HYCC1: variants seen among roughly 807,000 people sequenced by gnomAD.
HYCC1 encodes the protein hyccin.
chr7:22,992,103 T>A, the HYCC1 span, among the ~76,000 whole-genome samples: 1 of 151,462 alleles, frequency 6.6e-6, no homozygotes, highest in Non-Finnish European at 1.5e-5. Context: ...TTTCCATTCC[T>A]GGCAACAAAC....
the HYCC1 span, chr7:23,014,094 C>G: frequency 6.4e-6 from 3 of 470,292 alleles, no homozygotes. Context: ...TGACTGACAA[C>G]CCAGCCGGGA....
chr7:22,937,701 TCACCA>T, the HYCC1 span: 1 of 152,194 alleles, frequency 6.6e-6, no homozygotes, highest in Non-Finnish European at 1.5e-5. Flanking sequence ...AAATCTTTAT[TCACCA>T]TTATGTATTA....
the HYCC1 span, among the ~76,000 whole-genome samples, chr7:22,914,329 G>A: frequency 1.8e-4 from 27 of 152,094 alleles, no homozygotes; most frequent in African/African-American, 6.0e-4. Context: ...CCCCTTCTCC[G>A]TGTCTCTACC....
At chr7:22,930,320 TACCCTAAAACTTAGAAGTATA>T in the HYCC1 span, among the ~76,000 whole-genome samples, 880 of 138,504 alleles carry the variant, frequency 6.4e-3, 8 homozygotes, top group African/African-American at 0.024. Flanking sequence ...TGTGCACATG[TACCCTAAAACTTAGAAGTATA>T]ATAATTAAAA....
the HYCC1 span, chr7:22,942,959 CA>C: frequency 6.6e-6 from 1 of 152,024 alleles, no homozygotes; most frequent in Non-Finnish European, 1.5e-5. Flanking sequence ...TCAATTAGTG[CA>C]AATCATTTGA....
chr7:22,973,143 T>C, the HYCC1 span, among the ~76,000 whole-genome samples: 2,401 of 152,298 alleles, frequency 0.016, 67 homozygotes, highest in African/African-American at 0.055. Context: ...GCAGGATCAC[T>C]TTCATCTTCA....
the HYCC1 span, among the ~76,000 whole-genome samples, chr7:22,958,361 G>A: frequency 6.6e-6 from 1 of 152,078 alleles, no homozygotes; most frequent in African/African-American, 2.4e-5. Context: ...TGATAAACAA[G>A]GCTAAGCTGT....
chr7:22,994,734 T>C, the HYCC1 span, among the ~76,000 whole-genome samples: 1 of 152,140 alleles, frequency 6.6e-6, no homozygotes, highest in African/African-American at 2.4e-5. Context: ...GTCTATGACA[T>C]GCCTCCCTAT....
the HYCC1 span, among the ~76,000 whole-genome samples, chr7:22,905,841 C>T: frequency 6.6e-5 from 10 of 152,084 alleles, no homozygotes; most frequent in Non-Finnish European, 1.3e-4. Context: ...AATCTATTTA[C>T]AGGAGGATAC....
chr7:22,924,376 G>A, the HYCC1 span, among the ~76,000 whole-genome samples: 1 of 152,148 alleles, frequency 6.6e-6, no homozygotes, highest in Non-Finnish European at 1.5e-5. Flanking sequence ...AGCCGAAGCA[G>A]GGCGAGGCAT....
the HYCC1 span, among the ~76,000 whole-genome samples, chr7:22,917,892 T>A: frequency 6.6e-6 from 1 of 152,176 alleles, no homozygotes; most frequent in East Asian, 1.9e-4. Context: ...TTCCCATTCT[T>A]ATGCCATCCT....
At chr7:22,923,875 G>A in the HYCC1 span, among the ~76,000 whole-genome samples, 4 of 151,766 alleles carry the variant, frequency 2.6e-5, no homozygotes, top group Non-Finnish European at 5.9e-5. Context: ...AGAAATAGAA[G>A]GCTGGGTATG....
chr7:22,968,616 C>G, the HYCC1 span, among the ~76,000 whole-genome samples: 2 of 152,182 alleles, frequency 1.3e-5, no homozygotes, highest in East Asian at 3.8e-4. Context: ...ATGTAGAAGT[C>G]TCAGGCTGTC....
the HYCC1 span, among the ~76,000 whole-genome samples, chr7:22,927,188 TA>T: frequency 2.0e-5 from 3 of 151,648 alleles, no homozygotes; most frequent in African/African-American, 7.3e-5. Flanking sequence ...AAGAAGTGTG[TA>T]GAGGGAAATT....
chr7:22,896,834 CACAG>C, the HYCC1 span, among the ~76,000 whole-genome samples: 1 of 152,128 alleles, frequency 6.6e-6, no homozygotes, highest in Non-Finnish European at 1.5e-5. Context: ...TTCTGTCAGC[CACAG>C]ACACTCAAGA....
the HYCC1 span, among the ~76,000 whole-genome samples, chr7:22,931,357 G>C: frequency 6.6e-6 from 1 of 151,570 alleles, no homozygotes; most frequent in Admixed American, 6.6e-5. Flanking sequence ...TTAGCCTCCA[G>C]AACTGTGAGA....
the HYCC1 span, among the ~76,000 whole-genome samples, chr7:22,994,597 G>A: frequency 6.6e-6 from 1 of 152,110 alleles, no homozygotes; most frequent in Non-Finnish European, 1.5e-5. Flanking sequence ...ACTTGATAGA[G>A]ATCAAATGGG....
chr7:23,000,649 T>C, the HYCC1 span, among the ~76,000 whole-genome samples: 1 of 152,182 alleles, frequency 6.6e-6, no homozygotes, highest in Admixed American at 6.6e-5. Flanking sequence ...GTCCTTTGTA[T>C]AGTCCTCCTC....
chr7:22,899,325 C>T, the HYCC1 span, among the ~76,000 whole-genome samples: 1 of 152,140 alleles, frequency 6.6e-6, no homozygotes, highest in Non-Finnish European at 1.5e-5. Flanking sequence ...AGTTGTACAG[C>T]ATGGGGGGCC....
Sources: allele counts gnomAD v4.1 joint callset (sites outside exome capture counted in the v4.1 genomes callset), GRCh38; gene constraint gnomAD v4.1.1; transcripts MANE v1.5; gene names NCBI Gene and HGNC (gene_info 2026-07-23, HGNC 2026-07-21).